Variants in NOL8 observed in about 807,000 individuals in gnomAD.
The protein encoded by NOL8 is nucleolar protein 8, also known as nucleolar protein Nop132.
NOL8 carries 93 observed loss-of-function variants against 116.1 expected under a neutral mutation model. The observed-to-expected ratio is 0.80, with a 90% CI of 0.68 to 0.95. The LOEUF (loss-of-function observed/expected upper bound fraction) is 0.95. NOL8 is among the 40% of genes least tolerant of loss of function. NOL8 has a pLI of 0.00. For missense variants in NOL8, 1,291 were observed against 1,382.8 expected, an observed-to-expected ratio of 0.93 and a Z score of 1.05; for synonymous variants, 419 against 469.0, an observed-to-expected ratio of 0.89 and a Z score of 1.38.
At chr9:92,323,987 C>T in intron 2 of NOL8, 36 bp downstream of exon 2, 1 of 1,601,510 alleles carries the variant, frequency 6.2e-7, no homozygotes, top group Non-Finnish European at 8.5e-7. Flanking sequence ...TGAGTTATGT[C>T]TGCCTATAAC....
At chr9:92,323,680 C>CA (rs373582810) in intron 2 of NOL8, among the ~76,000 whole-genome samples, 177 bp from the exon 3 acceptor site, 4,702 of 138,110 alleles carry the variant, frequency 0.034, 110 homozygotes, top group South Asian at 0.087. Flanking sequence ...CAAAATATTC[C>CA]AAAAAAAAAA....
In NOL8 at chr9:92,314,619, T is replaced by C. The variant is rs1277406822; in HGVS notation, c.2006A>G (p.Lys669Arg). The C allele has an allele frequency of 6.2e-7, 1 of 1,612,906 alleles. No homozygotes were observed. The highest frequency in any genetic ancestry group is 1.7e-5 in the Admixed American group (1 of 59,854). ...VSPSSSEKRS[K>R]NPISRPLEGK... Reference sequence around the variant, plus strand: ...TTCTAATGGCCTAGAAATAGGATTCTTACTTCTCTTTTCAGAACTGCTAGG... The same window carrying C: ...TTCTAATGGCCTAGAAATAGGATTCCTACTTCTCTTTTCAGAACTGCTAGG... The change falls in exon 7 of 17, where the codon AAG (lysine) becomes AGG (arginine). Residue 669 changes from lysine to arginine, a missense_variant. Physicochemically the swap from Lys to Arg is conservative, Grantham distance 26 (BLOSUM62 2). Transcript: ENST00000442668.
At chr9:92,310,890 G>A in intron 8 of NOL8, 1 of 584,422 alleles carries the variant, frequency 1.7e-6, no homozygotes, top group South Asian at 2.3e-5. Context: ...CCTGGATTTG[G>A]GGAGGTAGTT....
Position 92,319,268 on chromosome 9 carries a change from C to A in NOL8, c.370G>T (p.Asp124Tyr). 3 of 1,591,766 alleles carry A rather than the reference C, an allele frequency of 1.9e-6. No individual in the cohort carries two copies. Among genetic ancestry groups the A allele is most frequent in the Middle Eastern group, 1.7e-4 (1 of 5,986 alleles). ...CCTGGCACAGCTTTCATATGGAAAT[C>A]CACTCCTCCTGTCTTTTCTAACAAG... ...ANLLEKTGGV[D>Y]FHMKAVPGTE... The change falls in exon 5 of 17, where the codon GAT (aspartate) becomes TAT (tyrosine). Residue 124 changes from aspartate to tyrosine, a missense_variant. By Grantham distance (160) the Asp-to-Tyr change is radical (BLOSUM62 -3). Transcript: ENST00000442668.
chr9:92,298,719 G>T, intron 15 of NOL8, 165 bp downstream of exon 15: 1 of 489,786 alleles, frequency 2.0e-6, no homozygotes, highest in Non-Finnish European at 3.6e-6. Flanking sequence ...TGGTGAGTGG[G>T]GAGCTCTCAG....
chr9:92,324,268 T>G, intron 1 of NOL8, 59 bp from the exon 2 acceptor site: 1 of 1,240,704 alleles, frequency 8.1e-7, no homozygotes, highest in Non-Finnish European at 1.1e-6. Flanking sequence ...AAACAACTAC[T>G]TCCTCTGAAC....
rs1199951124 is a variant in NOL8, at chr9:92,314,497, C to G, written c.2128G>C (p.Glu710Gln). The change falls in exon 7 of 17, where the codon GAG (glutamate) becomes CAG (glutamine). Residue 710 changes from glutamate to glutamine, a missense_variant. Transcript: ENST00000442668. ...GTGAGGCCGCTTGAATCAGACCGCT[C>G]TTCCTGTGAAGCTTCTGTCTTTGTG... Reference protein sequence around the residue: ...STTKTEASQEERSDSSGLTSL... With the variant: ...STTKTEASQEQRSDSSGLTSL... The G allele has an allele frequency of 6.2e-7, 1 of 1,613,466 alleles. No individual in the cohort carries two copies. The highest frequency in any genetic ancestry group is 8.5e-7 in the Non-Finnish European group (1 of 1,179,624).
At position 92,315,545 on chromosome 9, in the gene NOL8, G is replaced by A. The variant is rs17678735; in HGVS notation, c.1080C>T (p.Val360=). ...SLIGLGIKNR[V]SCHDSDDDIM... is the part of the protein sequence containing the mutation. Reference sequence around the variant, plus strand: ...TATCATCATCACTATCATGGCAAGAGACACGATTTTTGATACCTAAACCTA... The same window carrying A: ...TATCATCATCACTATCATGGCAAGAAACACGATTTTTGATACCTAAACCTA... The change falls in exon 7 of 17, where the codon GTC becomes GTT. Residue 360 remains valine (V), a synonymous_variant. Transcript: ENST00000442668. 0.04 allele frequency: 64,232 copies of A among 1,611,624 alleles called. 1,549 individuals are homozygous for A. The highest frequency in any genetic ancestry group is 0.073 in the South Asian group (6,596 of 90,820).
At position 92,310,277 on chromosome 9, in the gene NOL8, A is replaced by G; in HGVS notation, c.2596-16T>C. On this transcript the variant is annotated splice_polypyrimidine_tract_variant and intron_variant, in intron 9 of 16. Transcript: ENST00000442668. Reference sequence around the variant, plus strand: ...AATCCATGAGCTACACAGACAGAAAACATACATAATTGATAGCCACATTCC... The same window carrying G: ...AATCCATGAGCTACACAGACAGAAAGCATACATAATTGATAGCCACATTCC... 1 of 1,592,324 alleles carries G rather than the reference A, an allele frequency of 6.3e-7. No homozygotes were observed. The highest frequency in any genetic ancestry group is 8.6e-7 in the Non-Finnish European group (1 of 1,167,954).
Position 92,297,896 on chromosome 9 carries a change from A to C in NOL8, c.3454-10T>G. 1 of 1,539,292 alleles carries C rather than the reference A, an allele frequency of 6.5e-7. No homozygotes were observed. On this transcript the variant is annotated splice_polypyrimidine_tract_variant and intron_variant, in intron 16 of 16. Transcript: ENST00000442668. ...GTTTCTTTCGACAATCCTAGGAAAA[A>C]AAAAAGACTTGGTTAGCAATAAACA...
In NOL8 at chr9:92,315,702, A is replaced by G; in HGVS notation, c.923T>C (p.Leu308Ser). ...TTCCTCTTTCGCAATCATCATTCTCAATTCATCTTCAGAATCAGTATCATC... is the reference window on the plus strand; with the variant it reads ...TTCCTCTTTCGCAATCATCATTCTCGATTCATCTTCAGAATCAGTATCATC... ...SDDDTDSEDELRMMIAKEENL... is the reference protein window; with the variant it reads ...SDDDTDSEDESRMMIAKEENL... Residue 308 changes from leucine (L) to serine (S), a missense_variant, in exon 7 of 17, where the codon TTG becomes TCG. Transcript: ENST00000442668. 1 of 1,612,650 alleles carries G rather than the reference A, an allele frequency of 6.2e-7. No individual in the cohort carries two copies. The highest frequency in any genetic ancestry group is 8.5e-7 in the Non-Finnish European group (1 of 1,179,150).
In NOL8 at chr9:92,301,777, A is replaced by G; in HGVS notation, c.2949T>C (p.Pro983=). The G allele has an allele frequency of 6.2e-7, 1 of 1,601,602 alleles. No individual in the cohort carries two copies. Among genetic ancestry groups the G allele is most frequent in the Non-Finnish European group, 8.5e-7 (1 of 1,173,430 alleles). The part of the protein sequence containing the change: ...KKKREEAEKL[P]EVSKEMYYNI... ...TATAATACATTTCTTTAGACACCTC[A>G]GGTAGTTTCTCAGCTTCCTCCCTTT... The change falls in exon 13 of 17, where the codon CCT becomes CCC. Residue 983 remains proline, a synonymous_variant. Transcript: ENST00000442668.
chr9:92,323,232 C>T, intron 3 of NOL8: 3 of 1,385,366 alleles, frequency 2.2e-6, no homozygotes, highest in Non-Finnish European at 2.8e-6. Context: ...TTAAGTAAAC[C>T]CACCAGTAAA....
intron 7 of NOL8, 33 bp downstream of exon 7, chr9:92,314,234 C>T (rs1156624534): frequency 2.0e-6 from 3 of 1,510,184 alleles, no homozygotes; most frequent in Non-Finnish European, 2.7e-6. Flanking sequence ...TTTCTGAGTT[C>T]TTGTTAAATC....
chr9:92,320,595 C>CTT (rs200624790), intron 4 of NOL8, among the ~76,000 whole-genome samples: 4 of 145,868 alleles, frequency 2.7e-5, no homozygotes, highest in South Asian at 4.4e-4. Flanking sequence ...CCTGTATATT[C>CTT]TTTTTTTTTT....
chr9:92,300,881 A>G, intron 13 of NOL8: 1 of 1,017,572 alleles, frequency 9.8e-7, no homozygotes, highest in Non-Finnish European at 1.2e-6. Context: ...CTGATCTTTA[A>G]AGTAGAATCA....
rs142653256 is a variant in NOL8 at position 92,315,206 on chromosome 9, C to T, written c.1419G>A (p.Glu473=). 1.9e-6 allele frequency: 3 copies of T among 1,613,998 alleles called. No individual in the cohort carries two copies. The highest frequency in any genetic ancestry group is 2.5e-6 in the Non-Finnish European group (3 of 1,179,882). The change falls in exon 7 of 17, where the codon GAG becomes GAA. Residue 473 remains glutamate, a synonymous_variant. Transcript: ENST00000442668. ...SELADSEGGE[E]YNAMMKNCLR... is the part of the protein sequence containing the mutation. ...GGCAGTTTTTCATCATGGCATTATACTCCTCACCTCCTTCAGAGTCAGCTA... is the reference window on the plus strand; with the variant it reads ...GGCAGTTTTTCATCATGGCATTATATTCCTCACCTCCTTCAGAGTCAGCTA...
rs1339213361 is a variant in NOL8, at chr9:92,311,203, A to T, written c.2415T>A (p.Cys805Ter). The change falls in exon 8 of 17, where the codon TGT (cysteine) becomes TGA (stop). Residue 805 changes from cysteine to a stop codon, truncating the protein, a stop_gained. Transcript: ENST00000442668. LOFTEE classifies it high-confidence loss of function. Reference sequence around the variant, plus strand: ...CCTGAGTCGATGTCTCCTCTGTTTCACATTCACTGTCAGAACCGAAGATGA... The same window carrying T: ...CCTGAGTCGATGTCTCCTCTGTTTCTCATTCACTGTCAGAACCGAAGATGA... ...THIIFGSDSE[C>*]ETEETSTQEQ... 1.2e-6 allele frequency: 2 copies of T among 1,613,698 alleles called. No individual in the cohort carries two copies. Among genetic ancestry groups the T allele is most frequent in the African/African-American group, 2.7e-5 (2 of 74,878 alleles).
intron 15 of NOL8, 185 bp downstream of exon 15, chr9:92,298,699 G>A: frequency 2.1e-6 from 1 of 478,428 alleles, no homozygotes; most frequent in South Asian, 4.2e-5. Flanking sequence ...GAATGAGCGG[G>A]CAAAGAAAGT....
Sources: gnomAD v4.1 joint callset for allele counts (sites outside exome capture counted in the v4.1 genomes callset) on GRCh38, gnomAD v4.1.1 for gene constraint, MANE v1.5 for transcripts, NCBI Gene and HGNC (gene_info 2026-07-23, HGNC 2026-07-21) for gene names.